The following ATP8B4 variants were observed in gnomAD, a reference collection of about 807,000 sequenced individuals.
ATP8B4 encodes probable phospholipid-transporting ATPase IM.
ATP8B4 carries 133 observed loss-of-function variants against 145.6 expected under a neutral mutation model. That is an observed-to-expected ratio of 0.91 (90% CI 0.79 to 1.05). The LOEUF is 1.05. Ranked by LOEUF, ATP8B4 falls within the 50% of genes least tolerant of loss-of-function variation. The probability of loss-of-function intolerance (pLI) is 0.00; values close to 1 mark genes in which losing one functional copy is unlikely to be tolerated. For missense variants in ATP8B4, 1,458 were observed against 1,425.2 expected (o/e 1.02, Z -0.37); for synonymous variants, 507 against 492.9 (o/e 1.03, Z -0.38).
chr15:49,965,670 C>T (rs568229244), intron 13 of ATP8B4, among the ~76,000 whole-genome samples: 406 of 152,232 alleles, frequency 2.7e-3, no homozygotes, highest in Non-Finnish European at 4.2e-3. Context: ...AGTAGATTCC[C>T]AAAACCATGT....
chr15:49,908,275 C>T (rs777477300), intron 20 of ATP8B4, among the ~76,000 whole-genome samples: 1 of 152,194 alleles, frequency 6.6e-6, no homozygotes, highest in South Asian at 2.1e-4. Context: ...AGATGTACGA[C>T]TAAAGGCATC....
chr15:50,094,636 ATTTTTATATTAT>A, intron 2 of ATP8B4, among the ~76,000 whole-genome samples: 1 of 147,486 alleles, frequency 6.8e-6, no homozygotes, highest in East Asian at 2.0e-4. Context: ...GTGTATATAT[ATTTTTATATTAT>A]TATATATTGT....
chr15:50,019,970 T>A (rs1036796598), intron 6 of ATP8B4, among the ~76,000 whole-genome samples: 1 of 69,904 alleles, frequency 1.4e-5, no homozygotes, highest in Non-Finnish European at 2.9e-5. Context: ...CCAAATGACT[T>A]TTTTTTTTTT....
intron 12 of ATP8B4, among the ~76,000 whole-genome samples, chr15:49,974,466 C>T (rs1349061786): frequency 2.0e-5 from 3 of 151,202 alleles, no homozygotes; most frequent in African/African-American, 7.3e-5. Context: ...TGAGCTCAAG[C>T]GATCCTCCCA....
chr15:49,903,972 T>G (rs1404710643), intron 20 of ATP8B4, among the ~76,000 whole-genome samples: 2 of 152,080 alleles, frequency 1.3e-5, no homozygotes, highest in African/African-American at 4.8e-5. Context: ...ATCTGGACTT[T>G]GATATGAAAG....
chr15:50,094,472 C>T (rs140095488), intron 2 of ATP8B4, among the ~76,000 whole-genome samples: 469 of 151,440 alleles, frequency 3.1e-3, no homozygotes, highest in Non-Finnish European at 5.4e-3. Context: ...AGCATTTATA[C>T]ATAATATAAA....
chr15:49,900,944 C>G, intron 21 of ATP8B4, 148 bp downstream of exon 21: 5 of 1,047,382 alleles, frequency 4.8e-6, no homozygotes, highest in Non-Finnish European at 6.7e-6. Context: ...TTTCCTTTCC[C>G]TTTGCAAACA....
At chr15:50,031,664 A>G (rs1473342799) in intron 6 of ATP8B4, among the ~76,000 whole-genome samples, 2 of 152,182 alleles carry the variant, frequency 1.3e-5, no homozygotes, top group East Asian at 3.8e-4. Context: ...ACTGGATAAA[A>G]TCCAGCAGAA....
At chr15:49,955,300 G>T (rs1020390842) in intron 14 of ATP8B4, among the ~76,000 whole-genome samples, 4 of 152,126 alleles carry the variant, frequency 2.6e-5, no homozygotes, top group Non-Finnish European at 4.4e-5. Context: ...TAACAAACCT[G>T]CACATGTACC....
chr15:50,116,159 C>T (rs725530), intron 1 of ATP8B4, among the ~76,000 whole-genome samples: 84,317 of 151,990 alleles, frequency 0.55, 24,298 homozygotes, highest in African/African-American at 0.69. Flanking sequence ...GGCTCATGCC[C>T]GTAATTCCAG....
At chr15:50,159,606 C>A (rs184495651) in intron 1 of ATP8B4, among the ~76,000 whole-genome samples, 2 of 152,264 alleles carry the variant, frequency 1.3e-5, no homozygotes, top group East Asian at 3.9e-4. Flanking sequence ...TTTCCCCACT[C>A]AGTTATGTGT....
At chr15:49,879,630 G>T in intron 23 of ATP8B4, 171 bp from the exon 24 acceptor site, 1 of 589,592 alleles carries the variant, frequency 1.7e-6, no homozygotes, top group Non-Finnish European at 3.0e-6. Context: ...TGCCTTAATG[G>T]GATACTAGAT....
chr15:50,019,734 TCA>T (rs1455650385), intron 6 of ATP8B4, among the ~76,000 whole-genome samples: 1 of 152,218 alleles, frequency 6.6e-6, no homozygotes, highest in African/African-American at 2.4e-5. Context: ...TGATCAGTTC[TCA>T]GTCTTCACTT....
At chr15:49,904,908 C>T (rs150672535) in intron 20 of ATP8B4, among the ~76,000 whole-genome samples, 53 of 152,290 alleles carry the variant, frequency 3.5e-4, no homozygotes, top group African/African-American at 1.2e-3. Context: ...ATGAGTTTTT[C>T]TAATAACAAA....
Position 49,950,619 on chromosome 15 carries a change from C to CAAAAAA in ATP8B4, c.1287+11352_1287+11357dup, listed in dbSNP as rs748025885. Reference sequence around the variant, plus strand: ...AAAAAAAAACAAACAAACAAACAAACAAAAAAAACAACAACAACAACAAAA... The same window carrying CAAAAAA: ...AAAAAAAAACAAACAAACAAACAAACAAAAAAAAAAAAAACAACAACAACAACAAAA... On this transcript the variant is annotated intron_variant, in intron 14 of 27. Coordinates refer to ENST00000284509, the MANE Select transcript of ATP8B4 (RefSeq NM_024837.4). 1.1e-4 allele frequency among the ~76,000 whole-genome samples: 12 copies of CAAAAAA among 109,958 alleles called. No homozygotes were observed. In the East Asian group the frequency reaches 1.3e-3, roughly 12 times the overall value. 72.1% of individuals were successfully genotyped at this position (109,958 alleles called of 152,430 possible). A position where few individuals can be genotyped will look rare whatever the true frequency, so the allele number is the denominator to read the frequency against.
At chr15:49,908,480 A>C (rs1251408471) in intron 20 of ATP8B4, among the ~76,000 whole-genome samples, 1 of 151,318 alleles carries the variant, frequency 6.6e-6, no homozygotes, top group African/African-American at 2.4e-5. Context: ...AGTATAAGTG[A>C]GGGATGCCCA....
Position 49,934,039 on chromosome 15 carries a change from T to A in ATP8B4, c.1431A>T (p.Val477=). ...FLRLLALCHT[V]MSEENSAGEL... ...TACCTGCGCTATTCTCTTCTGACAT[T>A]ACAGTGTGGCAGAGAGCAAGTAACC... Residue 477 remains valine (V), a synonymous_variant, in exon 15 of 28, where the codon GTA becomes GTT. Coordinates refer to ENST00000284509, the MANE Select transcript of ATP8B4 (RefSeq NM_024837.4). 6.2e-7 allele frequency: 1 copy of A among 1,610,966 alleles called. No homozygotes were observed. Among genetic ancestry groups the A allele is most frequent in the Non-Finnish European group, 8.5e-7 (1 of 1,178,546 alleles).
intron 13 of ATP8B4, among the ~76,000 whole-genome samples, chr15:49,971,977 A>C (rs979734727): frequency 6.6e-6 from 1 of 152,216 alleles, no homozygotes; most frequent in Non-Finnish European, 1.5e-5. Flanking sequence ...TTGCAGAGAC[A>C]TGGGTGAGGC....
intron 2 of ATP8B4, among the ~76,000 whole-genome samples, chr15:50,102,342 A>G (rs541487929): frequency 2.6e-5 from 4 of 152,234 alleles, no homozygotes; most frequent in South Asian, 2.1e-4. Flanking sequence ...TTGATAGACC[A>G]TTAGTGAGAT....
Sources: allele counts gnomAD v4.1 joint callset (sites outside exome capture counted in the v4.1 genomes callset), GRCh38; gene constraint gnomAD v4.1.1; transcripts MANE v1.5; gene names NCBI Gene and HGNC (gene_info 2026-07-23, HGNC 2026-07-21).